Variants in GIMAP7 observed in about 807,000 individuals in gnomAD.
The protein encoded by GIMAP7 is GTPase IMAP family member 7.
For missense variants in GIMAP7, 323 were observed against 359.7 expected (o/e 0.90, Z 0.83); for synonymous variants, 137 against 129.3 (o/e 1.06, Z -0.40).
At chr7:150,515,683 C>T (rs1484339470) in intron 1 of GIMAP7, among the ~76,000 whole-genome samples, 1 of 152,182 alleles carries the variant, frequency 6.6e-6, no homozygotes, top group South Asian at 2.1e-4. Flanking sequence ...CATTTCTCAG[C>T]CTTTCTCTTA....
chr7:150,520,378 A>C lies in GIMAP7; in HGVS notation c.404A>C (p.Glu135Ala). ...ATGGTCATCTTGTTCACTCGCAAAG[A>C]AGAGTTGGAGGGCCAGAGCTTCCAT... ...KHMVILFTRK[E>A]ELEGQSFHDF... Residue 135 changes from glutamate (E) to alanine (A), a missense_variant, in exon 2 of 2, where the codon GAA becomes GCA. Glu to Ala is a moderately radical substitution (Grantham distance 107). Transcript: ENST00000313543. 3 of 1,614,214 alleles carry C rather than the reference A, an allele frequency of 1.9e-6. No individual in the cohort carries two copies. The highest frequency in any genetic ancestry group is 2.5e-6 in the Non-Finnish European group (3 of 1,180,038).
At position 150,519,874 on chromosome 7, in the gene GIMAP7, T is replaced by C. The variant is rs202191013; in HGVS notation, c.-41-60T>C. On this transcript the variant is annotated intron_variant, in intron 1 of 1. Coordinates refer to ENST00000313543, the MANE Select transcript of GIMAP7 (RefSeq NM_153236.4). ...AAGAAAGAGAAAGCAGAAAAGAAGGTTGGGAATGGATCTCACTTACTAAAA... is the reference window on the plus strand; with the variant it reads ...AAGAAAGAGAAAGCAGAAAAGAAGGCTGGGAATGGATCTCACTTACTAAAA... 7.4e-5 allele frequency: 71 copies of C among 958,460 alleles called. 1 individual carries two copies. The East Asian group carries it at 1.7e-3, about 23-fold the overall frequency. The allele number at this position is 958,460 out of a possible 1,614,324, so 59.4% of individuals were successfully genotyped here. A position where few individuals can be genotyped will look rare whatever the true frequency, so the allele number is the denominator to read the frequency against.
In GIMAP7 at chr7:150,520,568, G is replaced by A; in HGVS notation, c.594G>A (p.Gly198=). 1 of 1,614,124 alleles carries A rather than the reference G, an allele frequency of 6.2e-7. No homozygotes were observed. The part of the protein sequence containing the change: ...LIEKMVQCNE[G]AYFSDDIYKD... ...AGAAAATGGTGCAGTGCAACGAAGG[G>A]GCTTACTTTTCTGATGACATATACA... Residue 198 remains glycine, a synonymous_variant, in exon 2 of 2, where the codon GGG becomes GGA. Coordinates refer to ENST00000313543, the MANE Select transcript of GIMAP7 (RefSeq NM_153236.4).
intron 1 of GIMAP7, among the ~76,000 whole-genome samples, chr7:150,516,552 G>T (rs896126242): frequency 4.6e-5 from 7 of 152,192 alleles, no homozygotes; most frequent in African/African-American, 9.6e-5. Context: ...ACTACCAGTT[G>T]TATTCAGATT....
intron 1 of GIMAP7, among the ~76,000 whole-genome samples, chr7:150,515,978 G>A (rs1202278147): frequency 1.3e-5 from 2 of 152,174 alleles, no homozygotes; most frequent in African/African-American, 4.8e-5. Flanking sequence ...GAGTAGCCAA[G>A]AACAGGCAGT....
rs772643551 is a variant in GIMAP7 at position 150,520,124 on chromosome 7, A to C, written c.150A>C (p.Ala50=). 6.2e-7 allele frequency: 1 copy of C among 1,614,166 alleles called. No individual in the cohort carries two copies. The highest frequency in any genetic ancestry group is 2.2e-5 in the East Asian group (1 of 44,886). ...AQAVTKNCQK[A]SREWQGRDLL... ...CTGTTACCAAGAACTGTCAAAAAGC[A>C]TCCCGGGAATGGCAGGGGAGAGACC... Residue 50 remains alanine, a synonymous_variant, in exon 2 of 2, where the codon GCA becomes GCC. Coordinates refer to ENST00000313543, the MANE Select transcript of GIMAP7 (RefSeq NM_153236.4).
intron 1 of GIMAP7, 42 bp from the exon 2 acceptor site, chr7:150,519,892 T>TA: frequency 8.0e-7 from 1 of 1,249,284 alleles, no homozygotes; most frequent in Non-Finnish European, 1.1e-6. Flanking sequence ...GGATCTCACT[T>TA]ACTAAAACTG....
At position 150,520,787 on chromosome 7, in the gene GIMAP7, T is replaced by C; in HGVS notation, c.813T>C (p.Asn271=). The change falls in exon 2 of 2, where the codon AAT becomes AAC. Residue 271 remains asparagine (N), a synonymous_variant. Transcript: ENST00000313543. ...ATATAAGGGAAGAAGCTGAGAGAAA[T>C]ATATTTAAAGATGTTTTTAATAGGA... ...IKNIREEAER[N]IFKDVFNRIW... 1 of 1,483,026 alleles carries C rather than the reference T, an allele frequency of 6.7e-7. No individual in the cohort carries two copies. The highest frequency in any genetic ancestry group is 9.2e-7 in the Non-Finnish European group (1 of 1,087,466). 91.9% of individuals were successfully genotyped at this position (1,483,026 alleles called of 1,614,324 possible).
intron 1 of GIMAP7, among the ~76,000 whole-genome samples, chr7:150,516,643 CTT>C (rs1795139743): frequency 6.6e-6 from 1 of 152,194 alleles, no homozygotes; most frequent in Non-Finnish European, 1.5e-5. Context: ...TTTGACATCT[CTT>C]ATGTTTCACT....
In GIMAP7 at chr7:150,520,870, C is replaced by G; in HGVS notation, c.896C>G (p.Ser299Cys). 2 of 1,443,494 alleles carry G rather than the reference C, an allele frequency of 1.4e-6. No individual in the cohort carries two copies. Among genetic ancestry groups the G allele is most frequent in the Non-Finnish European group, 1.8e-6 (2 of 1,088,352 alleles). 89.4% of individuals were successfully genotyped at this position (1,443,494 alleles called of 1,614,324 possible). ...HRFLSKCKFY[S>C]S ...TTTTTGTCGAAATGTAAGTTTTATT[C>G]TTCCTAATTTACTGTGATTTGTTAA... Residue 299 changes from serine (S) to cysteine (C), a missense_variant, in exon 2 of 2, where the codon TCT (serine) becomes TGT (cysteine). Coordinates refer to ENST00000313543, the MANE Select transcript of GIMAP7 (RefSeq NM_153236.4).
chr7:150,520,057 T>A lies in GIMAP7; in HGVS notation c.83T>A (p.Ile28Asn). 2 of 1,614,102 alleles carry A rather than the reference T, an allele frequency of 1.2e-6. No individual in the cohort carries two copies. The highest frequency in any genetic ancestry group is 1.7e-6 in the Non-Finnish European group (2 of 1,179,996). Reference sequence around the variant, plus strand: ...GGGAAAAGTGCAACAGCGAACACCATCCTTGGAGAGGAAATCTTTGATTCT... The same window carrying A: ...GGGAAAAGTGCAACAGCGAACACCAACCTTGGAGAGGAAATCTTTGATTCT... The part of the protein sequence containing the change: ...GSGKSATANT[I>N]LGEEIFDSRI... Residue 28 changes from isoleucine (I) to asparagine (N), a missense_variant, in exon 2 of 2, where the codon ATC becomes AAC. Ile to Asn is a moderately radical substitution (Grantham distance 149). Coordinates refer to ENST00000313543, the MANE Select transcript of GIMAP7 (RefSeq NM_153236.4).
In GIMAP7 at chr7:150,520,935, C is replaced by T. The variant is rs1423115882; in HGVS notation, c.*58C>T. The T allele has an allele frequency of 4.9e-6, 4 of 816,350 alleles. No homozygotes were observed. The highest frequency in any genetic ancestry group is 7.3e-6 in the Non-Finnish European group (4 of 549,680). The allele number at this position is 816,350 out of a possible 1,614,324, so 50.6% of individuals were successfully genotyped here. ...TTTGCAAAGATAGTTAGAGAAATAC[C>T]TCCTTCCCCTTAGCTTTATTAAGGT... On this transcript the variant is annotated 3_prime_UTR_variant, in exon 2 of 2. Coordinates refer to ENST00000313543, the MANE Select transcript of GIMAP7 (RefSeq NM_153236.4).
chr7:150,517,950 AT>A (rs960607659), intron 1 of GIMAP7, among the ~76,000 whole-genome samples: 1 of 152,062 alleles, frequency 6.6e-6, no homozygotes, highest in Non-Finnish European at 1.5e-5. Context: ...TTATTTATAT[AT>A]ATAAAACTAA....
rs115726102 is a variant in GIMAP7, at chr7:150,520,281, C to T, written c.307C>T (p.Arg103Cys). The T allele has an allele frequency of 1.9e-4, 306 of 1,614,062 alleles. 3 individuals are homozygous for T. The East Asian group carries it at 6.1e-3, about 32-fold the overall frequency. ...TATTGTCCTAGTTCTGCTGCTGGGCCGCTACACAGAGGAGGAGCAGAAAAC... is the reference window on the plus strand; with the variant it reads ...TATTGTCCTAGTTCTGCTGCTGGGCTGCTACACAGAGGAGGAGCAGAAAAC... ...HAIVLVLLLGRYTEEEQKTVA... is the reference protein window; with the variant it reads ...HAIVLVLLLGCYTEEEQKTVA... Residue 103 changes from arginine (R) to cysteine (C), a missense_variant, in exon 2 of 2, where the codon CGC becomes TGC. Physicochemically the swap from Arg to Cys is radical, Grantham distance 180 (BLOSUM62 -3). Coordinates refer to ENST00000313543, the MANE Select transcript of GIMAP7 (RefSeq NM_153236.4).
Position 150,520,232 on chromosome 7 carries a change from C to G in GIMAP7, c.258C>G (p.Ile86Met). ...GCAAGGAAATCAGCCGCTGCATCAT[C>G]TCCTCCTGCCCAGGGCCCCATGCTA... is the stretch of plus-strand genomic sequence containing the variant. ...TTCKEISRCI[I>M]SSCPGPHAIV... is the part of the protein sequence containing the mutation. The change falls in exon 2 of 2, where the codon ATC becomes ATG. Residue 86 changes from isoleucine (I) to methionine (M), a missense_variant. Coordinates refer to ENST00000313543, the MANE Select transcript of GIMAP7 (RefSeq NM_153236.4). 6.2e-7 allele frequency: 1 copy of G among 1,614,174 alleles called. No individual in the cohort carries two copies. The highest frequency in any genetic ancestry group is 8.5e-7 in the Non-Finnish European group (1 of 1,180,002).
chr7:150,517,599 T>TACACACACAC, intron 1 of GIMAP7, among the ~76,000 whole-genome samples: 1 of 150,720 alleles, frequency 6.6e-6, no homozygotes, highest in East Asian at 1.9e-4. Flanking sequence ...CACACACACA[T>TACACACACAC]ACACACACAC....
intron 1 of GIMAP7, among the ~76,000 whole-genome samples, chr7:150,518,047 A>G (rs939312493): frequency 1.4e-4 from 22 of 152,064 alleles, no homozygotes; most frequent in Non-Finnish European, 2.6e-4. Flanking sequence ...TATCACAGAG[A>G]TCTCTTCATA....
chr7:150,516,298 A>T (rs1795137179), intron 1 of GIMAP7, among the ~76,000 whole-genome samples: 1 of 152,214 alleles, frequency 6.6e-6, no homozygotes, highest in African/African-American at 2.4e-5. Flanking sequence ...ATTCAAAGGT[A>T]AAAACAATAT....
rs1795171528 is a variant in GIMAP7, at chr7:150,520,030, G to C, written c.56G>C (p.Ser19Thr). The change falls in exon 2 of 2, where the codon AGT becomes ACT. Residue 19 changes from serine (S) to threonine (T), a missense_variant. Physicochemically the swap from Ser to Thr is moderately conservative, Grantham distance 58 (BLOSUM62 1). Coordinates refer to ENST00000313543, the MANE Select transcript of GIMAP7 (RefSeq NM_153236.4). ...ATCGTTCTGGTAGGGAAAACTGGAA[G>C]TGGGAAAAGTGCAACAGCGAACACC... ...LRIVLVGKTG[S>T]GKSATANTIL... 6.2e-7 allele frequency: 1 copy of C among 1,614,162 alleles called. No homozygotes were observed. The highest frequency in any genetic ancestry group is 1.3e-5 in the African/African-American group (1 of 75,042).
Sources: gnomAD v4.1 joint callset for allele counts (sites outside exome capture counted in the v4.1 genomes callset) on GRCh38, gnomAD v4.1.1 for gene constraint, MANE v1.5 for transcripts, NCBI Gene and HGNC (gene_info 2026-07-23, HGNC 2026-07-21) for gene names.